Variants in ZNF385D observed in about 807,000 individuals in gnomAD.
The protein encoded by ZNF385D is zinc finger protein 385D.
A neutral mutation model predicts 35.8 loss-of-function variants in ZNF385D; 15 were observed. The ratio of observed to expected loss-of-function variants is 0.42; its 90% confidence interval spans 0.28 to 0.64. The LOEUF is 0.64. Ranked by LOEUF, ZNF385D falls within the 30% of genes least tolerant of loss-of-function variation. The pLI is 0.23. For missense variants in ZNF385D, 474 were observed against 494.6 expected (o/e 0.96, Z 0.39); for synonymous variants, 212 against 186.8 (o/e 1.13, Z -1.10).
chr3:21,993,472 G>T (rs1325645713), intron 3 of ZNF385D, among the ~76,000 whole-genome samples: 1 of 152,082 alleles, frequency 6.6e-6, no homozygotes, highest in Admixed American at 6.5e-5. Context: ...GTAGTGAAAA[G>T]TCTCATAAGC....
intron 3 of ZNF385D, among the ~76,000 whole-genome samples, chr3:22,059,718 TG>T (rs1699595919): frequency 6.6e-6 from 1 of 152,208 alleles, no homozygotes; most frequent in Non-Finnish European, 1.5e-5. Flanking sequence ...TTTTCGATTT[TG>T]TTTGCTGCTG....
At chr3:21,559,869 T>C (rs2062876504) in intron 3 of ZNF385D, among the ~76,000 whole-genome samples, 1 of 152,214 alleles carries the variant, frequency 6.6e-6, no homozygotes, top group Non-Finnish European at 1.5e-5. Context: ...CTTTTCATTC[T>C]TTTTTCTCTA....
At chr3:22,064,206 ACAGTTTGCTCAGG>A (rs1416549305) in intron 3 of ZNF385D, among the ~76,000 whole-genome samples, 1 of 152,216 alleles carries the variant, frequency 6.6e-6, no homozygotes, top group Non-Finnish European at 1.5e-5. Flanking sequence ...AGAAGCCATG[ACAGTTTGCTCAGG>A]CAATACAGGG....
intron 3 of ZNF385D, among the ~76,000 whole-genome samples, chr3:21,957,639 G>C (rs1200676093): frequency 6.6e-6 from 1 of 152,036 alleles, no homozygotes; most frequent in Non-Finnish European, 1.5e-5. Context: ...TTATGTTGGG[G>C]AATCACTGCA....
chr3:21,664,750 C>A (rs1416703866), intron 2 of ZNF385D, 136 bp downstream of exon 2: 1 of 1,229,470 alleles, frequency 8.1e-7, no homozygotes, highest in African/African-American at 1.5e-5. Flanking sequence ...AAACAACTAA[C>A]TTCATTATGG....
chr3:22,222,542 G>A (rs946796816), intron 2 of ZNF385D, among the ~76,000 whole-genome samples: 3 of 152,124 alleles, frequency 2.0e-5, no homozygotes, highest in Admixed American at 2.0e-4. Context: ...TTTTGAACTT[G>A]CTTTATCTCT....
chr3:21,627,740 GTAAGC>G (rs2065174674), intron 2 of ZNF385D, among the ~76,000 whole-genome samples: 1 of 152,106 alleles, frequency 6.6e-6, no homozygotes, highest in South Asian at 2.1e-4. Flanking sequence ...TGCAGCTGGA[GTAAGC>G]TTTACCCAGG....
At chr3:21,886,800 A>C (rs538864563) in intron 3 of ZNF385D, among the ~76,000 whole-genome samples, 4 of 152,106 alleles carry the variant, frequency 2.6e-5, no homozygotes. Flanking sequence ...TCTAATAAAG[A>C]GTTGTATATT....
chr3:21,679,717 G>GAGGGAGGGAGACTAGC (rs2066840898), intron 1 of ZNF385D, among the ~76,000 whole-genome samples: 1 of 152,020 alleles, frequency 6.6e-6, no homozygotes, highest in South Asian at 2.1e-4. Context: ...AGGAGGTTTG[G>GAGGGAGGGAGACTAGC]AGGGAGGGAG....
At chr3:22,018,098 G>C (rs965558353) in intron 3 of ZNF385D, among the ~76,000 whole-genome samples, 11 of 151,546 alleles carry the variant, frequency 7.3e-5, no homozygotes, top group African/African-American at 2.7e-4. Context: ...ATAAGAATTG[G>C]ACTGTCAGTC....
chr3:21,455,922 G>C (rs574308556), intron 4 of ZNF385D, among the ~76,000 whole-genome samples: 144 of 152,100 alleles, frequency 9.5e-4, no homozygotes, highest in African/African-American at 3.4e-3. Context: ...AAAAGTGAGC[G>C]AAGGATATGA....
At chr3:21,995,950 G>A (rs973389729) in intron 3 of ZNF385D, among the ~76,000 whole-genome samples, 4 of 152,200 alleles carry the variant, frequency 2.6e-5, no homozygotes, top group African/African-American at 9.6e-5. Context: ...GTGGGCTAGA[G>A]TGCTGGGGAC....
chr3:22,147,268 C>T (rs1053060963), intron 3 of ZNF385D, among the ~76,000 whole-genome samples: 3 of 152,112 alleles, frequency 2.0e-5, no homozygotes, highest in Non-Finnish European at 2.9e-5. Flanking sequence ...CCTTGAATAA[C>T]CATGTCTCTC....
At chr3:22,043,283 C>G (rs1576214877) in intron 3 of ZNF385D, among the ~76,000 whole-genome samples, 1 of 152,210 alleles carries the variant, frequency 6.6e-6, no homozygotes, top group Admixed American at 6.5e-5. Flanking sequence ...ATGTATGGTT[C>G]AAACACCGTC....
At chr3:22,072,534 G>T (rs926492732) in intron 3 of ZNF385D, among the ~76,000 whole-genome samples, 3 of 151,928 alleles carry the variant, frequency 2.0e-5, no homozygotes, top group African/African-American at 7.2e-5. Context: ...TTTCTTCTAT[G>T]GAGATTGGTT....
At chr3:22,273,302 T>C (rs140156609) in intron 2 of ZNF385D, among the ~76,000 whole-genome samples, 25 of 152,088 alleles carry the variant, frequency 1.6e-4, no homozygotes, top group Admixed American at 5.9e-4. Flanking sequence ...CACAGTAAAC[T>C]AGTAACATGA....
At chr3:21,916,526 AC>A (rs1353235448) in intron 3 of ZNF385D, among the ~76,000 whole-genome samples, 1 of 152,204 alleles carries the variant, frequency 6.6e-6, no homozygotes, top group Non-Finnish European at 1.5e-5. Context: ...CCCCAAAGTC[AC>A]TATTTTAACC....
intron 3 of ZNF385D, among the ~76,000 whole-genome samples, chr3:21,992,026 T>C (rs965902855): frequency 6.6e-6 from 1 of 152,188 alleles, no homozygotes; most frequent in Non-Finnish European, 1.5e-5. Context: ...AGCATGCTCA[T>C]CTCTGGAATG....
At chr3:22,067,217 T>A (rs1310562889) in intron 3 of ZNF385D, among the ~76,000 whole-genome samples, 2 of 152,210 alleles carry the variant, frequency 1.3e-5, no homozygotes, top group African/African-American at 4.8e-5. Context: ...GGCTTCAAAT[T>A]TATCCAGTTT....
Sources: allele counts gnomAD v4.1 joint callset (sites outside exome capture counted in the v4.1 genomes callset), GRCh38; gene constraint gnomAD v4.1.1; transcripts MANE v1.5; gene names NCBI Gene and HGNC (gene_info 2026-07-23, HGNC 2026-07-21).